Variants in ACADL observed in about 807,000 individuals in gnomAD.
ACADL encodes the protein long-chain specific acyl-CoA dehydrogenase, mitochondrial.
A neutral mutation model predicts 56.9 loss-of-function variants in ACADL; 60 were observed. The observed-to-expected ratio is 1.05, with a 90% CI of 0.86 to 1.31. The LOEUF (loss-of-function observed/expected upper bound fraction) is 1.31. Among genes scored for constraint, ACADL ranks in the 50% most tolerant of loss-of-function variants. The pLI is 0.00. For synonymous variants in ACADL, 158 were observed against 179.7 expected (o/e 0.88, Z 0.97); for missense variants, 484 against 525.5 (o/e 0.92, Z 0.77).
intron 2 of ACADL, among the ~76,000 whole-genome samples, chr2:210,219,700 T>C (rs1031036151): frequency 1.1e-4 from 16 of 152,134 alleles, no homozygotes; most frequent in Non-Finnish European, 2.2e-4. Context: ...AACTTACAAT[T>C]TTTTTACTTA....
chr2:210,190,927 T>G (rs944326840), intron 10 of ACADL, among the ~76,000 whole-genome samples: 22 of 150,716 alleles, frequency 1.5e-4, no homozygotes, highest in African/African-American at 5.1e-4. Flanking sequence ...TTGTTTGTTT[T>G]TTTTTTTTTG....
At chr2:210,223,092 G>C (rs1689203804) in intron 1 of ACADL, among the ~76,000 whole-genome samples, 1 of 152,156 alleles carries the variant, frequency 6.6e-6, no homozygotes, top group African/African-American at 2.4e-5. Context: ...CTGTGTTAAG[G>C]AAATCTCTGC....
intron 8 of ACADL, 28 bp downstream of exon 8, chr2:210,203,303 T>C (rs758194520): frequency 1.4e-6 from 2 of 1,478,704 alleles, no homozygotes; most frequent in East Asian, 4.5e-5. Context: ...TGATACCATC[T>C]AATACTAAAC....
intron 5 of ACADL, among the ~76,000 whole-genome samples, chr2:210,209,402 C>G (rs1462413381): frequency 6.6e-6 from 1 of 152,168 alleles, no homozygotes; most frequent in African/African-American, 2.4e-5. Context: ...TATCAGAGAT[C>G]CTGAGCCCAT....
intron 2 of ACADL, among the ~76,000 whole-genome samples, chr2:210,220,178 T>C (rs1044847286): frequency 6.6e-6 from 1 of 152,152 alleles, no homozygotes; most frequent in Non-Finnish European, 1.5e-5. Flanking sequence ...TGAGTGAATT[T>C]TGGAAATGAA....
At chr2:210,192,186 TAAAA>T (rs918075309) in intron 10 of ACADL, among the ~76,000 whole-genome samples, 1 of 150,812 alleles carries the variant, frequency 6.6e-6, no homozygotes, top group Non-Finnish European at 1.5e-5. Context: ...TTTTTGGTTT[TAAAA>T]AAAAAGTAGT....
Position 210,218,043 on chromosome 2 carries a change from A to G in ACADL, c.293T>C (p.Leu98Pro), listed in dbSNP as rs761832869. The change falls in exon 3 of 11, where the codon CTG becomes CCG. Residue 98 changes from leucine to proline, a missense_variant. Coordinates refer to ENST00000233710, the MANE Select transcript of ACADL (RefSeq NM_001608.4). The part of the protein sequence containing the change: ...EVWEKAGKQG[L>P]LGVNIAEHLG... ...ATGCTCTGCAATATTGACACCAAGC[A>G]GTCCTTGTTTTCCAGCTTTTTCCCA... 2 of 1,614,042 alleles carry G rather than the reference A, an allele frequency of 1.2e-6. No homozygotes were observed. The highest frequency in any genetic ancestry group is 1.7e-6 in the Non-Finnish European group (2 of 1,179,978).
At chr2:210,198,882 C>T (rs969945492) in intron 8 of ACADL, among the ~76,000 whole-genome samples, 7 of 151,914 alleles carry the variant, frequency 4.6e-5, no homozygotes, top group Non-Finnish European at 1.0e-4. Context: ...ACCATAAGAT[C>T]GACATAAACT....
intron 4 of ACADL, among the ~76,000 whole-genome samples, chr2:210,215,941 AT>A (rs1689078853): frequency 6.6e-6 from 1 of 152,198 alleles, no homozygotes; most frequent in Non-Finnish European, 1.5e-5. Flanking sequence ...TAACCAGCAA[AT>A]AACTGAATAT....
At chr2:210,204,714 G>A (rs263677) in intron 6 of ACADL, 32 bp from the exon 7 acceptor site, 1,450,365 of 1,455,392 alleles carry the variant, frequency 1, 722,836 homozygotes, top group East Asian at 1. Context: ...GTAGAGAATG[G>A]TCTCATTTAA....
intron 8 of ACADL, among the ~76,000 whole-genome samples, chr2:210,201,812 A>G (rs975324923): frequency 1.3e-5 from 2 of 152,210 alleles, no homozygotes; most frequent in East Asian, 3.8e-4. Context: ...TAGCATATTT[A>G]GTGACTGCGG....
At chr2:210,216,913 T>C (rs1302830545) in intron 3 of ACADL, among the ~76,000 whole-genome samples, 1 of 145,164 alleles carries the variant, frequency 6.9e-6, no homozygotes, top group Non-Finnish European at 1.5e-5. Context: ...AAGCAAAAAA[T>C]AGAAAAAAAG....
intron 3 of ACADL, 157 bp from the exon 4 acceptor site, chr2:210,216,668 C>T (rs774583927): frequency 1.3e-5 from 9 of 715,482 alleles, no homozygotes; most frequent in Non-Finnish European, 2.0e-5. Flanking sequence ...TTTGTTTTTA[C>T]TAATTTTAAA....
At chr2:210,205,035 T>G (rs924330747) in intron 6 of ACADL, among the ~76,000 whole-genome samples, 1 of 152,172 alleles carries the variant, frequency 6.6e-6, no homozygotes, top group African/African-American at 2.4e-5. Context: ...TTGTTTGTTT[T>G]ATTTTTTTTG....
chr2:210,199,534 C>T (rs1428855601), intron 8 of ACADL, among the ~76,000 whole-genome samples: 1 of 151,878 alleles, frequency 6.6e-6, no homozygotes, highest in African/African-American at 2.4e-5. Context: ...GACCACTTTC[C>T]TATTTCCTTC....
Position 210,220,732 on chromosome 2 carries a change from G to A in ACADL, c.148C>T (p.Arg50Ter), listed in dbSNP as rs375084422. 50 of 1,612,782 alleles carry A rather than the reference G, an allele frequency of 3.1e-5. No individual in the cohort carries two copies. Among genetic ancestry groups the A allele is most frequent in the Middle Eastern group, 3.4e-4 (2 of 5,836 alleles). Residue 50 changes from arginine to a stop codon, truncating the protein, a stop_gained, in exon 2 of 11, where the codon CGA becomes TGA. Transcript: ENST00000233710. LOFTEE classifies it high-confidence loss of function. Reference sequence around the variant, plus strand: ...TCATGCTCTGGAGAAAAGATTCTTCGAATTCCTATATCTGTTAATTTTTTA... The same window carrying A: ...TCATGCTCTGGAGAAAAGATTCTTCAAATTCCTATATCTGTTAATTTTTTA... ...SAKKLTDIGI[R>*]RIFSPEHDIF...
In ACADL at chr2:210,195,272, A is replaced by C. The variant is rs1235884611; in HGVS notation, c.1051T>G (p.Cys351Gly). ...ICVTRAFVDN[C>G]LQLHEAKRLD... ...CGTTTCGCTTCATGCAGCTGGAGACAGTTGTCCACAAATGCTCGGGTTACA... is the reference window on the plus strand; with the variant it reads ...CGTTTCGCTTCATGCAGCTGGAGACCGTTGTCCACAAATGCTCGGGTTACA... Residue 351 changes from cysteine (C) to glycine (G), a missense_variant, in exon 9 of 11, where the codon TGT becomes GGT. By Grantham distance (159) the Cys-to-Gly change is radical. Transcript: ENST00000233710. The C allele has an allele frequency of 5.0e-6, 8 of 1,613,848 alleles. No individual in the cohort carries two copies. The highest frequency in any genetic ancestry group is 1.3e-5 in the African/African-American group (1 of 74,936).
intron 4 of ACADL, 42 bp from the exon 5 acceptor site, chr2:210,210,304 A>C (rs775386027): frequency 7.1e-7 from 1 of 1,404,318 alleles, no homozygotes; most frequent in East Asian, 2.3e-5. Context: ...CAAATGATAA[A>C]AATTAAATTA....
chr2:210,212,849 G>T (rs1030844450), intron 4 of ACADL, among the ~76,000 whole-genome samples: 3 of 152,170 alleles, frequency 2.0e-5, no homozygotes, highest in African/African-American at 7.2e-5. Flanking sequence ...ATACAGAAAA[G>T]AATTAATATA....
Sources: allele counts gnomAD v4.1 joint callset (sites outside exome capture counted in the v4.1 genomes callset), GRCh38; gene constraint gnomAD v4.1.1; transcripts MANE v1.5; gene names NCBI Gene and HGNC (gene_info 2026-07-23, HGNC 2026-07-21).